Variants in ATP10A observed in about 807,000 individuals in gnomAD.
ATP10A encodes phospholipid-transporting ATPase VA.
Under a neutral mutation model 147.8 loss-of-function variants are expected in ATP10A, and 111 were observed. That is an observed-to-expected ratio of 0.75 (90% CI 0.64 to 0.88). The LOEUF is 0.88. Ranked by LOEUF, ATP10A falls within the 40% of genes least tolerant of loss-of-function variation. The pLI, the probability that ATP10A is intolerant of heterozygous loss-of-function variation, is 0.00. For missense variants in ATP10A, 1,927 were observed against 1,959.0 expected (o/e 0.98, Z 0.31); for synonymous variants, 875 against 841.6 (o/e 1.04, Z -0.69).
intron 1 of ATP10A, among the ~76,000 whole-genome samples, chr15:25,857,531 T>A (rs1231496159): frequency 3.3e-5 from 5 of 152,210 alleles, no homozygotes; most frequent in Admixed American, 6.5e-5. Flanking sequence ...AGACAAATAC[T>A]GACACATTTA....
intron 1 of ATP10A, among the ~76,000 whole-genome samples, chr15:25,820,011 A>T (rs1891813049): frequency 6.6e-6 from 1 of 152,150 alleles, no homozygotes; most frequent in African/African-American, 2.4e-5. Context: ...CCCAGGCTTC[A>T]CCCCCAGGCA....
chr15:25,779,609 T>C (rs1889795465), intron 2 of ATP10A, among the ~76,000 whole-genome samples: 1 of 151,836 alleles, frequency 6.6e-6, no homozygotes, highest in Admixed American at 6.6e-5. Flanking sequence ...GGGGGTGGCA[T>C]CGGATGGGGC....
At chr15:25,687,365 C>A (rs1899748458) in intron 16 of ATP10A, among the ~76,000 whole-genome samples, 1 of 152,008 alleles carries the variant, frequency 6.6e-6, no homozygotes, top group Non-Finnish European at 1.5e-5. Flanking sequence ...GTGAACGCAG[C>A]CTTGAAGGTT....
At chr15:25,702,346 G>C (rs1234373733) in intron 12 of ATP10A, among the ~76,000 whole-genome samples, 1 of 152,242 alleles carries the variant, frequency 6.6e-6, no homozygotes, top group African/African-American at 2.4e-5. Context: ...AGTCGAGTGC[G>C]TAGGAATAAC....
chr15:25,801,856 C>G (rs1313735137), intron 1 of ATP10A, among the ~76,000 whole-genome samples: 1 of 152,180 alleles, frequency 6.6e-6, no homozygotes, highest in Non-Finnish European at 1.5e-5. Context: ...TAAACCTCCC[C>G]AGTTGCTGAC....
intron 1 of ATP10A, among the ~76,000 whole-genome samples, chr15:25,839,654 T>C (rs1338310444): frequency 6.6e-6 from 1 of 152,176 alleles, no homozygotes; most frequent in African/African-American, 2.4e-5. Context: ...ACATGTGTAC[T>C]GGGCACACCA....
chr15:25,773,966 A>C (rs1889476564), intron 2 of ATP10A, among the ~76,000 whole-genome samples: 1 of 152,182 alleles, frequency 6.6e-6, no homozygotes, highest in African/African-American at 2.4e-5. Context: ...ACACAGAGGA[A>C]GTTTCAAACC....
intron 12 of ATP10A, among the ~76,000 whole-genome samples, chr15:25,703,079 C>T (rs561072523): frequency 1.4e-4 from 21 of 152,270 alleles, no homozygotes; most frequent in African/African-American, 3.8e-4. Flanking sequence ...GCACTGGGGT[C>T]GGGCGCGGTG....
chr15:25,714,957 GACACATATAC>G (rs1195290585), intron 9 of ATP10A, among the ~76,000 whole-genome samples: 4 of 133,792 alleles, frequency 3.0e-5, no homozygotes, highest in Non-Finnish European at 4.6e-5. Flanking sequence ...CAAAATGAAT[GACACATATAC>G]ACACACACAC....
intron 3 of ATP10A, among the ~76,000 whole-genome samples, chr15:25,734,982 C>T (rs1174403156): frequency 2.3e-5 from 3 of 132,534 alleles, no homozygotes; most frequent in African/African-American, 8.5e-5. Context: ...CCCACGCCTC[C>T]GTATGTCTGC....
intron 1 of ATP10A, among the ~76,000 whole-genome samples, chr15:25,814,424 G>C (rs1311378277): frequency 6.6e-6 from 1 of 152,222 alleles, no homozygotes; most frequent in Non-Finnish European, 1.5e-5. Context: ...GACAAAATCT[G>C]CGTGTACACA....
intron 2 of ATP10A, among the ~76,000 whole-genome samples, chr15:25,762,927 G>C (rs1888834722): frequency 6.6e-6 from 1 of 152,090 alleles, no homozygotes; most frequent in African/African-American, 2.4e-5. Flanking sequence ...ACCTCAATAA[G>C]GCTGTTTAAA....
At position 25,817,435 on chromosome 15, in the gene ATP10A, A is replaced by AC. The variant is rs549865243; in HGVS notation, c.450-36213_450-36212insG. On this transcript the variant is annotated intron_variant, in intron 1 of 20. Coordinates refer to ENST00000555815, the MANE Select transcript of ATP10A (RefSeq NM_024490.4). Reference sequence around the variant, plus strand: ...CAACTAGAAGGTGAGGTTCTTATTTAAATTAGATCAGTTTAATAAATCAAT... The same window carrying AC: ...CAACTAGAAGGTGAGGTTCTTATTTACAATTAGATCAGTTTAATAAATCAAT... Among the ~76,000 whole-genome samples the AC allele has an allele frequency of 1.9e-3, 291 of 152,348 alleles. 3 individuals are homozygous for AC. Among genetic ancestry groups the AC allele is most frequent in the African/African-American group, 6.5e-3 (272 of 41,570 alleles).
At chr15:25,736,541 T>C (rs1308529197) in intron 2 of ATP10A, among the ~76,000 whole-genome samples, 1 of 152,216 alleles carries the variant, frequency 6.6e-6, no homozygotes, top group Non-Finnish European at 1.5e-5. Flanking sequence ...CAGGAGCTTA[T>C]AATAAATTCT....
chr15:25,697,470 A>G (rs1253803486), intron 13 of ATP10A, among the ~76,000 whole-genome samples: 1 of 152,242 alleles, frequency 6.6e-6, no homozygotes, highest in African/African-American at 2.4e-5. Context: ...CAATGTCAAG[A>G]TGACACAGAT....
At chr15:25,672,766 T>G (rs1899067460), downstream of ATP10A, among the ~76,000 whole-genome samples, 1 of 152,194 alleles carries the variant, frequency 6.6e-6, no homozygotes, top group Admixed American at 6.5e-5. Flanking sequence ...TGACTATCCT[T>G]GTTATGAGAT....
At chr15:25,727,889 C>T (rs1902677302) in intron 3 of ATP10A, among the ~76,000 whole-genome samples, 1 of 152,220 alleles carries the variant, frequency 6.6e-6, no homozygotes, top group South Asian at 2.1e-4. Flanking sequence ...GTCCTCCGGG[C>T]CCACTGATGA....
intron 1 of ATP10A, among the ~76,000 whole-genome samples, chr15:25,810,411 C>G (rs563187471): frequency 7.0e-4 from 107 of 152,258 alleles, no homozygotes; most frequent in Non-Finnish European, 1.4e-3. Flanking sequence ...CAGCCCAGCC[C>G]GAGGTTCTTA....
chr15:25,828,140 C>T (rs1203053255), intron 1 of ATP10A, among the ~76,000 whole-genome samples: 1 of 152,072 alleles, frequency 6.6e-6, no homozygotes, highest in Non-Finnish European at 1.5e-5. Context: ...ACTGTAAGTT[C>T]CCAAAACAAA....
Sources: allele counts gnomAD v4.1 joint callset (sites outside exome capture counted in the v4.1 genomes callset), GRCh38; gene constraint gnomAD v4.1.1; transcripts MANE v1.5; gene names NCBI Gene and HGNC (gene_info 2026-07-23, HGNC 2026-07-21).